Variants in SFMBT2 observed in about 807,000 individuals in gnomAD.
The protein encoded by SFMBT2 is scm-like with four MBT domains protein 2.
Under a neutral mutation model 110.1 loss-of-function variants are expected in SFMBT2, and 38 were observed. The observed-to-expected ratio is 0.35, with a 90% CI of 0.27 to 0.45. The LOEUF (loss-of-function observed/expected upper bound fraction) is 0.45, where lower values mean the gene tolerates loss of function less well. SFMBT2 is among the 20% of genes least tolerant of loss of function. SFMBT2 has a pLI of 1.00. For synonymous variants in SFMBT2, 425 were observed against 425.4 expected (o/e 1.00, Z 0.01); for missense variants, 1,011 against 1,094.9 (o/e 0.92, Z 1.08).
At chr10:7,211,194 G>T (rs111334087) in intron 11 of SFMBT2, among the ~76,000 whole-genome samples, 4 of 151,978 alleles carry the variant, frequency 2.6e-5, no homozygotes, top group Admixed American at 6.6e-5. Context: ...ATTTCTGGGT[G>T]GGGGGTATGT....
chr10:7,202,394 TA>T, intron 13 of SFMBT2, 85 bp downstream of exon 13: 1 of 1,552,158 alleles, frequency 6.4e-7, no homozygotes, highest in South Asian at 1.1e-5. Flanking sequence ...ATAACTCCAA[TA>T]AAAACAGCCA....
intron 9 of SFMBT2, among the ~76,000 whole-genome samples, chr10:7,230,566 A>G (rs191183192): frequency 6.6e-6 from 1 of 152,306 alleles, no homozygotes; most frequent in Admixed American, 6.5e-5. Flanking sequence ...CTCTCCCAGT[A>G]ATGGGAGGGA....
intron 3 of SFMBT2, among the ~76,000 whole-genome samples, chr10:7,369,526 T>C (rs918134029): frequency 7.9e-5 from 12 of 152,320 alleles, no homozygotes; most frequent in Admixed American, 6.5e-4. Context: ...GCTATTTGCA[T>C]TATCCAAAGA....
intron 4 of SFMBT2, chr10:7,348,019 T>C: frequency 3.2e-6 from 1 of 310,996 alleles, no homozygotes; most frequent in African/African-American, 2.1e-5. Flanking sequence ...AAGTACATAC[T>C]GCTTTCTTCA....
chr10:7,171,366 G>T lies in SFMBT2; in HGVS notation c.2416-310C>A. ...ACGAAGCATCTCTGATTAGAGAAAA[G>T]AGGAGAAATACAAGGGGCACGTCCA... On this transcript the variant is annotated intron_variant, in intron 19 of 20. Transcript: ENST00000397167. The surrounding 1 kb of genome is among the most constrained non-coding windows in gnomAD (Gnocchi z 4.9). 1 of 985,028 alleles carries T rather than the reference G, an allele frequency of 1.0e-6. No individual in the cohort carries two copies. Among genetic ancestry groups the T allele is most frequent in the Non-Finnish European group, 1.2e-6 (1 of 829,568 alleles). The allele number at this position is 985,028 out of a possible 1,614,324, so 61.0% of individuals were successfully genotyped here.
chr10:7,373,790 T>G, intron 2 of SFMBT2, among the ~76,000 whole-genome samples: 1 of 151,374 alleles, frequency 6.6e-6, no homozygotes, highest in African/African-American at 2.4e-5. Flanking sequence ...AGGAGAAGAG[T>G]GGACTGAGCT....
intron 13 of SFMBT2, 126 bp downstream of exon 13, chr10:7,202,354 T>C: frequency 8.4e-7 from 1 of 1,191,638 alleles, no homozygotes; most frequent in Non-Finnish European, 1.2e-6. Flanking sequence ...TATGTTTTAC[T>C]GCTACCTCTA....
chr10:7,407,450 GT>G (rs1301149008), intron 1 of SFMBT2, among the ~76,000 whole-genome samples: 1 of 152,084 alleles, frequency 6.6e-6, no homozygotes, highest in African/African-American at 2.4e-5. Context: ...GGTCGGCCTC[GT>G]CTAAATTGGT....
At chr10:7,337,565 G>A (rs1432141445) in intron 4 of SFMBT2, among the ~76,000 whole-genome samples, 2 of 152,080 alleles carry the variant, frequency 1.3e-5, no homozygotes, top group Admixed American at 6.6e-5. Flanking sequence ...TCCAGCCCAC[G>A]TAAGACATGC....
In SFMBT2 at chr10:7,182,842, T is replaced by C. The variant is rs372611258; in HGVS notation, c.1808+5782A>G. 2.6e-5 allele frequency among the ~76,000 whole-genome samples: 4 copies of C among 151,572 alleles called. No individual in the cohort carries two copies. The East Asian group carries it at 5.9e-4, about 22-fold the overall frequency. On this transcript the variant is annotated intron_variant, in intron 16 of 20. Coordinates refer to ENST00000397167, the MANE Select transcript of SFMBT2 (RefSeq NM_001387889.1). ...GTAACTAACCTGCACATTGTGCACA[T>C]GTACCCTAGAACTTAAAGTATAATA...
chr10:7,338,729 G>A (rs1295752641), intron 4 of SFMBT2, among the ~76,000 whole-genome samples: 2 of 152,092 alleles, frequency 1.3e-5, no homozygotes, highest in Non-Finnish European at 2.9e-5. Flanking sequence ...TGTTGTTCAA[G>A]GGTTAACTGA....
At chr10:7,235,522 C>G (rs1394614429) in intron 9 of SFMBT2, among the ~76,000 whole-genome samples, 1 of 142,786 alleles carries the variant, frequency 7.0e-6, no homozygotes, top group Non-Finnish European at 1.6e-5. Flanking sequence ...ACACCACACA[C>G]TACATACCAC....
In SFMBT2 at chr10:7,216,264, G is replaced by A. The variant is rs575269794; in HGVS notation, c.1330+4147C>T. On this transcript the variant is annotated intron_variant, in intron 11 of 20. Coordinates refer to ENST00000397167, the MANE Select transcript of SFMBT2 (RefSeq NM_001387889.1). The stretch of plus-strand genomic sequence containing the variant: ...CACCCAAATCTCATCTTGAATTGTA[G>A]CTCCCCAAATTCCCATGTGTTGTGG... 3.3e-5 allele frequency among the ~76,000 whole-genome samples: 5 copies of A among 152,254 alleles called. No individual in the cohort carries two copies. The South Asian group carries it at 1.0e-3, about 32-fold the overall frequency.
At chr10:7,268,344 C>T (rs959204902) in intron 7 of SFMBT2, among the ~76,000 whole-genome samples, 8 of 152,158 alleles carry the variant, frequency 5.3e-5, no homozygotes, top group Non-Finnish European at 1.2e-4. Flanking sequence ...AACAAACTGA[C>T]AGAAACCCTT....
intron 15 of SFMBT2, among the ~76,000 whole-genome samples, chr10:7,193,904 T>G (rs1197230063): frequency 2.6e-5 from 4 of 152,144 alleles, no homozygotes; most frequent in African/African-American, 7.2e-5. Flanking sequence ...TTATCTCTCT[T>G]TTGGGGACCC....
intron 4 of SFMBT2, among the ~76,000 whole-genome samples, chr10:7,314,531 T>C (rs920430024): frequency 3.3e-5 from 5 of 152,224 alleles, no homozygotes; most frequent in Admixed American, 6.5e-5. Flanking sequence ...ACACTTGGTG[T>C]AAGATGTTGG....
chr10:7,348,348 T>C (rs1481644907), intron 4 of SFMBT2: 2 of 1,517,900 alleles, frequency 1.3e-6, no homozygotes, highest in South Asian at 1.3e-5. Context: ...AAAAAAATAA[T>C]CACAGATGGT....
chr10:7,211,678 C>T (rs575909765), intron 11 of SFMBT2, among the ~76,000 whole-genome samples: 1 of 152,266 alleles, frequency 6.6e-6, no homozygotes, highest in South Asian at 2.1e-4. Context: ...AGCTTCTCCC[C>T]CTAAGGTTTC....
intron 9 of SFMBT2, among the ~76,000 whole-genome samples, chr10:7,236,464 G>A (rs578154181): frequency 2.8e-4 from 42 of 152,226 alleles, no homozygotes; most frequent in African/African-American, 9.9e-4. Flanking sequence ...GAATAAAAAA[G>A]AACAGGGTTA....
Sources: allele counts gnomAD v4.1 joint callset (sites outside exome capture counted in the v4.1 genomes callset), GRCh38; gene constraint gnomAD v4.1.1; non-coding constraint Gnocchi (gnomAD v3.1); transcripts MANE v1.5; gene names NCBI Gene and HGNC (gene_info 2026-07-23, HGNC 2026-07-21).